The following MAP1S variants were observed in gnomAD, a reference collection of about 807,000 sequenced individuals.
The protein encoded by MAP1S is microtubule associated protein 1S.
MAP1S carries 27 observed loss-of-function variants against 60.9 expected under a neutral mutation model. The observed-to-expected ratio is 0.44, with a 90% confidence interval of 0.33 to 0.61. MAP1S has a LOEUF of 0.61. Among genes scored for constraint, MAP1S ranks in the 20% least tolerant of loss-of-function variants. The pLI is 0.03. For missense variants in MAP1S, 1,608 were observed against 1,486.6 expected, an observed-to-expected ratio of 1.08 and a Z score of -1.34; for synonymous variants, 826 against 694.2, an observed-to-expected ratio of 1.19 and a Z score of -2.98.
chr19:17,726,073 C>T lies in MAP1S; in HGVS notation c.689C>T (p.Pro230Leu). 2 of 1,613,696 alleles carry T rather than the reference C, an allele frequency of 1.2e-6. No individual in the cohort carries two copies. Among genetic ancestry groups the T allele is most frequent in the Non-Finnish European group, 1.7e-6 (2 of 1,179,912 alleles). Residue 230 changes from proline to leucine, a missense_variant, in exon 5 of 7, where the codon CCG (proline) becomes CTG (leucine). By Grantham distance (98) the Pro-to-Leu change is moderately conservative. Around this residue, in one of 4 missense-constraint regions of MAP1S, gnomAD observed 320 missense variants for 393.1 expected, o/e 0.81. Transcript: ENST00000324096. ...PPSPFELLEP[P>L]TSGGFLRLGR... ...TCCCCCTTCGAGCTGCTGGAGCCCCCGACCTCCGGGGGCTTCCTCAGGCTG... is the reference window on the plus strand; with the variant it reads ...TCCCCCTTCGAGCTGCTGGAGCCCCTGACCTCCGGGGGCTTCCTCAGGCTG...
chr19:17,733,209 G>GC lies in MAP1S; in HGVS notation c.2808dup (p.Gly937ArgfsTer29). On this transcript the variant is annotated frameshift_variant, in exon 6 of 7. Transcript: ENST00000324096. LOFTEE classifies it high-confidence loss of function. ...CGCCCGCAGGGTCAGCCAGCAGCCG[G>GC]CCCGGGGTGTCAGCCACCCCACCCA... is the stretch of plus-strand genomic sequence containing the variant. 1 of 1,542,298 alleles carries GC rather than the reference G, an allele frequency of 6.5e-7. No individual in the cohort carries two copies. Among genetic ancestry groups the GC allele is most frequent in the Non-Finnish European group, 8.8e-7 (1 of 1,142,526 alleles).
At chr19:17,731,441 T>C (rs2080492453) in intron 5 of MAP1S, among the ~76,000 whole-genome samples, 1 of 152,198 alleles carries the variant, frequency 6.6e-6, no homozygotes, top group South Asian at 2.1e-4. Flanking sequence ...TTTCCGGGCC[T>C]CTATTGTATT....
Position 17,727,456 on chromosome 19 carries a change from C to T in MAP1S, c.2072C>T (p.Ser691Leu), listed in dbSNP as rs1206838056. The change falls in exon 5 of 7, where the codon TCG (serine) becomes TTG (leucine). Residue 691 changes from serine to leucine, a missense_variant. This residue lies in a region of MAP1S where 1,167 missense variants were observed against 961.4 expected (regional missense o/e 1.21). Coordinates refer to ENST00000324096, the MANE Select transcript of MAP1S (RefSeq NM_018174.6). This position sits in a 1 kb window ranked among gnomAD's most constrained non-coding sequence, Gnocchi z 4.1. Reference protein sequence around the residue: ...SLPAEVGSPHSTEVDESLSVS... With the variant: ...SLPAEVGSPHLTEVDESLSVS... ...CCCGCAGAGGTGGGCTCCCCGCACT[C>T]GACCGAGGTGGACGAGTCCCTGTCG... The T allele has an allele frequency of 1.1e-5, 18 of 1,605,598 alleles. No individual in the cohort carries two copies. Among genetic ancestry groups the T allele is most frequent in the East Asian group, 2.3e-5 (1 of 44,314 alleles).
intron 1 of MAP1S, chr19:17,720,519 G>C (rs1410617521): frequency 1.3e-6 from 2 of 1,492,796 alleles, no homozygotes; most frequent in East Asian, 2.5e-5. Flanking sequence ...AAGGCTGCAA[G>C]GGACTGAGAG....
chr19:17,722,796 A>G (rs2080382976), intron 2 of MAP1S, among the ~76,000 whole-genome samples: 1 of 147,608 alleles, frequency 6.8e-6, no homozygotes, highest in African/African-American at 2.5e-5. Flanking sequence ...GGGGAGAGGG[A>G]GGGAGAGAGA....
intron 2 of MAP1S, among the ~76,000 whole-genome samples, chr19:17,721,954 C>G (rs755184193): frequency 6.6e-6 from 1 of 152,140 alleles, no homozygotes; most frequent in Non-Finnish European, 1.5e-5. Flanking sequence ...CTGATGGTCT[C>G]TTGAGTCACC....
At chr19:17,723,276 G>A (rs1179928909) in intron 2 of MAP1S, among the ~76,000 whole-genome samples, 3 of 152,250 alleles carry the variant, frequency 2.0e-5, no homozygotes, top group Non-Finnish European at 4.4e-5. Context: ...GATGGGTGCA[G>A]TGGGTCAAGT....
intron 5 of MAP1S, among the ~76,000 whole-genome samples, chr19:17,730,526 G>A (rs2145979869): frequency 6.6e-6 from 1 of 152,294 alleles, no homozygotes; most frequent in Non-Finnish European, 1.5e-5. Context: ...ATGTTGCCCA[G>A]GCTGATCTTG....
At chr19:17,724,529 C>T (rs1390751166) in intron 3 of MAP1S, among the ~76,000 whole-genome samples, 4 of 152,144 alleles carry the variant, frequency 2.6e-5, no homozygotes, top group Non-Finnish European at 4.4e-5. Flanking sequence ...GGCTAGGCCC[C>T]AGGAGTTGTC....
rs572988838 is a variant in MAP1S, at chr19:17,728,235, C to T, written c.2788+63C>T. 3.2e-3 allele frequency: 4,674 copies of T among 1,471,092 alleles called. 33 individuals are homozygous for T. Among genetic ancestry groups the T allele is most frequent in the South Asian group, 0.016 (1,165 of 71,238 alleles). 91.1% of individuals were successfully genotyped at this position (1,471,092 alleles called of 1,614,324 possible). A position where few individuals can be genotyped will look rare whatever the true frequency, so the allele number is the denominator to read the frequency against. On this transcript the variant is annotated intron_variant, in intron 5 of 6. Transcript: ENST00000324096. Reference sequence around the variant, plus strand: ...GCTGCTTAGGCTGGAGAGCATAGCTCGTCCCCCTGTTTTTACATTTTCAGT... The same window carrying T: ...GCTGCTTAGGCTGGAGAGCATAGCTTGTCCCCCTGTTTTTACATTTTCAGT...
chr19:17,720,846 G>A (rs1317570387), intron 1 of MAP1S, 90 bp from the exon 2 acceptor site: 7 of 977,278 alleles, frequency 7.2e-6, no homozygotes, highest in Non-Finnish European at 1.1e-5. Context: ...AGGCTGGGGC[G>A]CTCCCCACCC....
rs1447201070 is a variant in MAP1S, at chr19:17,733,354, C to T, written c.2950C>T (p.Arg984Cys). Residue 984 changes from arginine (R) to cysteine (C), a missense_variant, in exon 6 of 7, where the codon CGC (arginine) becomes TGC (cysteine). Physicochemically the swap from Arg to Cys is radical, Grantham distance 180. Coordinates refer to ENST00000324096, the MANE Select transcript of MAP1S (RefSeq NM_018174.6). ...LCYVISGQDQ[R>C]KEEGMRAVLD... ...CTACGTCATCAGTGGCCAGGACCAGCGCAAGGAGGAAGGCATGCGGGCCGT... is the reference window on the plus strand; with the variant it reads ...CTACGTCATCAGTGGCCAGGACCAGTGCAAGGAGGAAGGCATGCGGGCCGT... The T allele has an allele frequency of 4.3e-6, 7 of 1,610,790 alleles. No individual in the cohort carries two copies. Among genetic ancestry groups the T allele is most frequent in the Admixed American group, 3.4e-5 (2 of 59,690 alleles).
intron 1 of MAP1S, chr19:17,719,825 A>G (rs28576354): frequency 0.16 from 26,477 of 163,326 alleles, 4,273 homozygotes; most frequent in African/African-American, 0.44. Context: ...GCCCGCGGAG[A>G]AAGTGGCATC....
In MAP1S at chr19:17,726,771, G is replaced by A. The variant is rs766733980; in HGVS notation, c.1387G>A (p.Asp463Asn). 42 of 1,556,126 alleles carry A rather than the reference G, an allele frequency of 2.7e-5. No individual in the cohort carries two copies. The highest frequency in any genetic ancestry group is 3.3e-5 in the Non-Finnish European group (38 of 1,153,840). Residue 463 changes from aspartate to asparagine, a missense_variant, in exon 5 of 7, where the codon GAC becomes AAC. This residue lies in a region of MAP1S where 1,167 missense variants were observed against 961.4 expected (regional missense o/e 1.21). Transcript: ENST00000324096. ...GCGAGAGCCCGTGGTGACGCCCCAGGACCTGGAGGGGCCGGGGCGAGCCGA... is the reference window on the plus strand; with the variant it reads ...GCGAGAGCCCGTGGTGACGCCCCAGAACCTGGAGGGGCCGGGGCGAGCCGA... ...FLREPVVTPQ[D>N]LEGPGRAESK... is the part of the protein sequence containing the mutation.
In MAP1S at chr19:17,733,179, C is replaced by T. The variant is rs1306364544; in HGVS notation, c.2789-14C>T. 1.4e-6 allele frequency: 2 copies of T among 1,444,296 alleles called. No homozygotes were observed. The highest frequency in any genetic ancestry group is 1.9e-6 in the Non-Finnish European group (2 of 1,064,234). 89.5% of individuals were successfully genotyped at this position (1,444,296 alleles called of 1,614,324 possible). On this transcript the variant is annotated splice_polypyrimidine_tract_variant and intron_variant, in intron 5 of 6. Transcript: ENST00000324096. ...CAGGAGCTCATCCCTGCCTCCCCATCCCCCCGCCCGCAGGGTCAGCCAGCA... is the reference window on the plus strand; with the variant it reads ...CAGGAGCTCATCCCTGCCTCCCCATTCCCCCGCCCGCAGGGTCAGCCAGCA...
rs746368423 is a variant in MAP1S at position 17,724,147 on chromosome 19, G to T, written c.242G>T (p.Arg81Leu). 5 of 1,613,940 alleles carry T rather than the reference G, an allele frequency of 3.1e-6. No individual in the cohort carries two copies. The highest frequency in any genetic ancestry group is 4.2e-6 in the Non-Finnish European group (5 of 1,179,966). Residue 81 changes from arginine to leucine, a missense_variant, in exon 3 of 7, where the codon CGT (arginine) becomes CTT (leucine). Arg to Leu is a moderately radical substitution (Grantham distance 102). Around this residue, in one of 4 missense-constraint regions of MAP1S, gnomAD observed 320 missense variants for 393.1 expected, o/e 0.81. Coordinates refer to ENST00000324096, the MANE Select transcript of MAP1S (RefSeq NM_018174.6). ...IVKGQRSLHH[R>L]GDNLETLVLL... The stretch of plus-strand genomic sequence containing the variant: ...ACAGGCCAGCGGAGCCTGCACCACC[G>T]TGGAGACAACCTGGAGACCCTGGTC...
rs62121726 is a variant in MAP1S, at chr19:17,724,545, C to T, written c.303+337C>T. Among the ~76,000 whole-genome samples, 465 of 152,280 alleles carry T rather than the reference C, an allele frequency of 3.1e-3. 1 individual carries two copies. The highest frequency in any genetic ancestry group is 5.5e-3 in the Non-Finnish European group (374 of 68,036). On this transcript the variant is annotated intron_variant, in intron 3 of 6. Coordinates refer to ENST00000324096, the MANE Select transcript of MAP1S (RefSeq NM_018174.6). The stretch of plus-strand genomic sequence containing the variant: ...GCTAGGCCCCAGGAGTTGTCTGAAT[C>T]GACTCACTAACATTAACCAGCTTGT...
At position 17,727,002 on chromosome 19, in the gene MAP1S, G is replaced by A. The variant is rs199620104; in HGVS notation, c.1618G>A (p.Glu540Lys). ...GAGTGTCTCCCGGACCCAGCCGCGG[G>A]AGGTGCGCCGGGCAGCCTCTTCTGT... ...KPSVSRTQPR[E>K]VRRAASSVPN... Residue 540 changes from glutamate (E) to lysine (K), a missense_variant, in exon 5 of 7, where the codon GAG becomes AAG. Physicochemically the swap from Glu to Lys is moderately conservative, Grantham distance 56. This residue lies in a region of MAP1S where 1,167 missense variants were observed against 961.4 expected (regional missense o/e 1.21). Coordinates refer to ENST00000324096, the MANE Select transcript of MAP1S (RefSeq NM_018174.6). This position sits in a 1 kb window ranked among gnomAD's most constrained non-coding sequence, Gnocchi z 4.1. 1.3e-4 allele frequency: 203 copies of A among 1,581,152 alleles called. 2 individuals are homozygous for A. In the East Asian group the frequency reaches 4.6e-3, roughly 36 times the overall value.
intron 5 of MAP1S, among the ~76,000 whole-genome samples, chr19:17,731,356 G>A (rs2080491640): frequency 6.6e-6 from 1 of 152,146 alleles, no homozygotes; most frequent in Non-Finnish European, 1.5e-5. Context: ...ACCATTTGTT[G>A]AAAAGACTAT....
Sources: allele counts gnomAD v4.1 joint callset (sites outside exome capture counted in the v4.1 genomes callset), GRCh38; gene constraint gnomAD v4.1.1; regional missense constraint gnomAD v4.1.1; non-coding constraint Gnocchi (gnomAD v3.1); transcripts MANE v1.5; gene names NCBI Gene and HGNC (gene_info 2026-07-23, HGNC 2026-07-21).